The following ARHGEF3 variants were observed in gnomAD, a reference collection of about 807,000 sequenced individuals.
The protein encoded by ARHGEF3 is Rho guanine nucleotide exchange factor 3, also known as 59.8 kDA protein.
In ARHGEF3, 28 loss-of-function variants were observed where a neutral mutation model predicts 63.2. The ratio of observed to expected loss-of-function variants is 0.44; its 90% CI spans 0.33 to 0.61. The LOEUF is 0.61. Ranked by LOEUF, ARHGEF3 falls within the 20% of genes least tolerant of loss-of-function variation. ARHGEF3 has a pLI of 0.03. For missense variants in ARHGEF3, 533 were observed against 659.3 expected (o/e 0.81, Z 2.10); for synonymous variants, 266 against 254.2 (o/e 1.05, Z -0.44).
At chr3:56,822,035 G>GAAGAGAAGAGAAGAA (rs2038525188) in intron 4 of ARHGEF3, among the ~76,000 whole-genome samples, 1 of 148,224 alleles carries the variant, frequency 6.7e-6, no homozygotes, top group Non-Finnish European at 1.5e-5. Flanking sequence ...GAAGAGAAGC[G>GAAGAGAAGAGAAGAA]AGGAAAAGAA....
At chr3:56,938,253 G>C (rs1699000523) in intron 3 of ARHGEF3, among the ~76,000 whole-genome samples, 2 of 152,062 alleles carry the variant, frequency 1.3e-5, no homozygotes, top group South Asian at 2.1e-4. Flanking sequence ...ACAAATGCAG[G>C]AGGCCCAAAA....
intron 1 of ARHGEF3, among the ~76,000 whole-genome samples, chr3:56,777,252 A>G (rs1578484392): frequency 6.9e-6 from 1 of 145,780 alleles, no homozygotes; most frequent in South Asian, 2.6e-4. Flanking sequence ...CTTTTATCAA[A>G]TGTTTGTTCT....
intron 2 of ARHGEF3, among the ~76,000 whole-genome samples, chr3:57,008,169 T>C (rs533071907): frequency 6.6e-6 from 1 of 152,258 alleles, no homozygotes; most frequent in Non-Finnish European, 1.5e-5. Context: ...CTAGAACAGA[T>C]CAAACTTCAG....
intron 2 of ARHGEF3, among the ~76,000 whole-genome samples, chr3:56,771,415 G>A (rs1042914056): frequency 6.6e-6 from 1 of 152,244 alleles, no homozygotes; most frequent in African/African-American, 2.4e-5. Context: ...AAAGCAGCCA[G>A]GGCTGGGCTG....
intron 2 of ARHGEF3, among the ~76,000 whole-genome samples, chr3:56,766,017 G>A (rs189838016): frequency 7.6e-4 from 116 of 151,930 alleles, no homozygotes; most frequent in Admixed American, 2.1e-3. Context: ...AGAATTTGAC[G>A]TTCCTGGTTT....
chr3:57,013,111 G>A lies in ARHGEF3; in HGVS notation c.62+21977C>T, dbSNP rs542124222. On this transcript the variant is annotated intron_variant, in intron 2 of 12. Coordinates refer to the ARHGEF3 transcript ENST00000338458. ...GCCTCAGCTGCCTCCCCGCTGGGCA[G>A]GGCTTGGGACCTCCAGCCCGCCATG... Among the ~76,000 whole-genome samples the A allele has an allele frequency of 9.8e-5, 15 of 152,346 alleles. No homozygotes were observed. In the South Asian group the frequency reaches 2.9e-3, roughly 29 times the overall value.
At chr3:56,847,538 T>C (rs1488050493) in intron 4 of ARHGEF3, among the ~76,000 whole-genome samples, 2 of 152,200 alleles carry the variant, frequency 1.3e-5, no homozygotes, top group Non-Finnish European at 1.5e-5. Flanking sequence ...TTGTAAAAGT[T>C]GAGAAGTCTT....
intron 2 of ARHGEF3, among the ~76,000 whole-genome samples, chr3:57,031,999 A>G (rs1476420380): frequency 6.6e-6 from 1 of 152,182 alleles, no homozygotes; most frequent in African/African-American, 2.4e-5. Context: ...GGGCTGAGAA[A>G]GGCATTTGAA....
At position 56,737,212 on chromosome 3, in the gene ARHGEF3, A is replaced by G. The variant is rs1016683797; in HGVS notation, c.1014T>C (p.His338=). The change falls in exon 8 of 10, where the codon CAT becomes CAC. Residue 338 remains histidine, a synonymous_variant. Transcript: ENST00000296315. ...LIDSSRVLCC[H]GELKNNRGVK... is the part of the protein sequence containing the mutation. ...CGCCCCGATTGTTCTTCAGTTCACC[A>G]TGACAACACAAGACTCGAGAGCTGT... 3 of 1,613,980 alleles carry G rather than the reference A, an allele frequency of 1.9e-6. No homozygotes were observed. The highest frequency in any genetic ancestry group is 2.5e-6 in the Non-Finnish European group (3 of 1,179,982).
At chr3:56,739,996 T>A (rs1291155499) in intron 7 of ARHGEF3, among the ~76,000 whole-genome samples, 2 of 151,774 alleles carry the variant, frequency 1.3e-5, no homozygotes, top group South Asian at 4.2e-4. Context: ...GCCTCCTGGA[T>A]TCAAGCGATT....
intron 3 of ARHGEF3, chr3:56,898,680 G>A (rs7633179): frequency 0.77 from 160,717 of 208,520 alleles, 62,813 homozygotes; most frequent in African/African-American, 0.87. Flanking sequence ...AAGGAGGGAA[G>A]CCAATAAAGA....
At chr3:56,894,096 G>T (rs1160091840) in intron 3 of ARHGEF3, among the ~76,000 whole-genome samples, 3 of 152,080 alleles carry the variant, frequency 2.0e-5, no homozygotes, top group African/African-American at 7.2e-5. Flanking sequence ...GGCCAGAAAT[G>T]CCGGAGAATT....
chr3:56,905,428 CA>C (rs2041651999), intron 3 of ARHGEF3, among the ~76,000 whole-genome samples: 1 of 152,172 alleles, frequency 6.6e-6, no homozygotes, highest in African/African-American at 2.4e-5. Context: ...CAATTTTTTT[CA>C]GTAGTTGCAA....
chr3:56,801,246 G>A (rs1352776063), intron 1 of ARHGEF3, among the ~76,000 whole-genome samples: 8 of 152,204 alleles, frequency 5.3e-5, no homozygotes, highest in Admixed American at 5.2e-4. Flanking sequence ...CAGGTGAGAG[G>A]GCTGGTACGT....
intron 1 of ARHGEF3, among the ~76,000 whole-genome samples, chr3:57,045,702 A>C (rs938077085): frequency 2.0e-5 from 3 of 152,168 alleles, no homozygotes; most frequent in Non-Finnish European, 2.9e-5. Flanking sequence ...GACCTTAAGA[A>C]CCAGGGCAGA....
chr3:56,877,104 C>T (rs917500189), intron 4 of ARHGEF3, among the ~76,000 whole-genome samples: 32 of 152,152 alleles, frequency 2.1e-4, no homozygotes, highest in African/African-American at 7.5e-4. Flanking sequence ...ACTCTTTTAG[C>T]CAGGAATTTC....
At chr3:56,927,473 CAT>C (rs1176727488) in intron 3 of ARHGEF3, among the ~76,000 whole-genome samples, 1 of 151,822 alleles carries the variant, frequency 6.6e-6, no homozygotes, top group African/African-American at 2.4e-5. Context: ...TAATATATAA[CAT>C]AAACTTATAT....
At chr3:56,815,107 G>T (rs1445663621) in intron 4 of ARHGEF3, among the ~76,000 whole-genome samples, 1 of 151,362 alleles carries the variant, frequency 6.6e-6, no homozygotes, top group Non-Finnish European at 1.5e-5. Context: ...TCGTGCCACT[G>T]CATTCCAGCT....
chr3:56,928,427 TG>T (rs2042330571), intron 3 of ARHGEF3, among the ~76,000 whole-genome samples: 1 of 152,182 alleles, frequency 6.6e-6, no homozygotes, highest in South Asian at 2.1e-4. Context: ...AGACAGGCTC[TG>T]AAAACACTCC....
Sources: allele counts gnomAD v4.1 joint callset (sites outside exome capture counted in the v4.1 genomes callset), GRCh38; gene constraint gnomAD v4.1.1; transcripts MANE v1.5; gene names NCBI Gene and HGNC (gene_info 2026-07-23, HGNC 2026-07-21).